Variants in KATNA1 observed in about 807,000 individuals in gnomAD.
The protein encoded by KATNA1 is katanin catalytic subunit A1, also known as katanin p60 ATPase-containing subunit A1.
KATNA1 carries 42 observed loss-of-function variants against 62.6 expected under a neutral mutation model. The observed-to-expected ratio is 0.67, with a 90% CI of 0.52 to 0.87. The LOEUF (loss-of-function observed/expected upper bound fraction) is 0.87, where lower values mean the gene tolerates loss of function less well. Among genes scored for constraint, KATNA1 ranks in the 40% least tolerant of loss-of-function variants. The pLI is 0.00. For missense variants in KATNA1, 498 were observed against 612.5 expected, an observed-to-expected ratio of 0.81 and a Z score of 1.97; for synonymous variants, 186 against 201.9, an observed-to-expected ratio of 0.92 and a Z score of 0.67.
In KATNA1 at chr6:149,597,717, TCAA is replaced by T. The variant is rs1778382803; in HGVS notation, c.1016-79_1016-77del. The stretch of plus-strand genomic sequence containing the variant: ...CAAATGAAGCTCAGCTATTTAAAGA[TCAA>T]CAACTATTTAGTACAACAATACAAG... On this transcript the variant is annotated intron_variant, in intron 8 of 10. Coordinates refer to ENST00000367411, the MANE Select transcript of KATNA1 (RefSeq NM_007044.4). 5.1e-6 allele frequency: 7 copies of T among 1,380,064 alleles called. No homozygotes were observed. The Admixed American group carries it at 1.3e-4, about 26-fold the overall frequency. 85.5% of individuals were successfully genotyped at this position (1,380,064 alleles called of 1,614,324 possible). A position where few individuals can be genotyped will look rare whatever the true frequency, so the allele number is the denominator to read the frequency against.
At chr6:149,609,816 A>G (rs1379010526) in intron 4 of KATNA1, among the ~76,000 whole-genome samples, 1 of 134,172 alleles carries the variant, frequency 7.5e-6, no homozygotes, top group Non-Finnish European at 1.6e-5. Context: ...AAAAAAAAAA[A>G]TAGGCCAGGT....
chr6:149,636,250 T>G (rs538619666), intron 2 of KATNA1, among the ~76,000 whole-genome samples: 62 of 152,114 alleles, frequency 4.1e-4, no homozygotes, highest in African/African-American at 1.4e-3. Context: ...AGTCCTTCAC[T>G]GACAAACTTA....
At chr6:149,631,119 G>A (rs1779814500) in intron 3 of KATNA1, among the ~76,000 whole-genome samples, 1 of 152,156 alleles carries the variant, frequency 6.6e-6, no homozygotes, top group South Asian at 2.1e-4. Context: ...ATACAACCAG[G>A]CCGGGTGTGG....
intron 6 of KATNA1, among the ~76,000 whole-genome samples, chr6:149,602,517 CTTTT>C (rs1342736158): frequency 6.6e-6 from 1 of 151,922 alleles, no homozygotes. Context: ...CCAAGAAAAG[CTTTT>C]TTGATGGTCT....
chr6:149,622,426 G>C (rs1197417652), intron 4 of KATNA1, among the ~76,000 whole-genome samples: 1 of 152,046 alleles, frequency 6.6e-6, no homozygotes, highest in African/African-American at 2.4e-5. Flanking sequence ...ATACAACTTA[G>C]TCTCAAATGG....
intron 4 of KATNA1, among the ~76,000 whole-genome samples, chr6:149,608,044 C>T (rs534727304): frequency 1.8e-4 from 27 of 152,104 alleles, no homozygotes; most frequent in African/African-American, 3.1e-4. Context: ...CCAGCCTGGG[C>T]GACAGAGTGA....
At chr6:149,643,515 T>C (rs1780366777) in intron 1 of KATNA1, among the ~76,000 whole-genome samples, 1 of 152,192 alleles carries the variant, frequency 6.6e-6, no homozygotes, top group African/African-American at 2.4e-5. Flanking sequence ...ATCACCTAAA[T>C]CTTGCCTCCC....
At chr6:149,620,227 T>C (rs1273387786) in intron 4 of KATNA1, among the ~76,000 whole-genome samples, 2 of 152,166 alleles carry the variant, frequency 1.3e-5, no homozygotes, top group African/African-American at 4.8e-5. Context: ...GGTTAACAAA[T>C]ACAAAAGTAC....
At chr6:149,597,308 G>C in intron 9 of KATNA1, 119 bp from the exon 10 acceptor site, 1 of 1,271,802 alleles carries the variant, frequency 7.9e-7, no homozygotes, top group Non-Finnish European at 1.1e-6. Flanking sequence ...TCTAAGAAGA[G>C]ATAATTAAGT....
rs780585866 is a variant in KATNA1, at chr6:149,603,372, C to T, written c.625G>A (p.Asp209Asn). Residue 209 changes from aspartate (D) to asparagine (N), a missense_variant and splice_region_variant, in exon 6 of 11, where the codon GAT becomes AAT. Physicochemically the swap from Asp to Asn is conservative, Grantham distance 23. This residue lies in a region of KATNA1 where 267 missense variants were observed against 372.6 expected (regional missense o/e 0.72). Transcript: ENST00000367411. ...IISQNPNVRW[D>N]DIADLVEAKK... is the part of the protein sequence containing the mutation. ...GCTTCTACTAAATCAGCGATATCATCCCTGAAAGAGAAGACATTTTATTAA... is the reference window on the plus strand; with the variant it reads ...GCTTCTACTAAATCAGCGATATCATTCCTGAAAGAGAAGACATTTTATTAA... The T allele has an allele frequency of 6.7e-7, 1 of 1,500,378 alleles. No homozygotes were observed. The highest frequency in any genetic ancestry group is 1.2e-5 in the South Asian group (1 of 86,806). 92.9% of individuals were successfully genotyped at this position (1,500,378 alleles called of 1,614,324 possible).
chr6:149,602,828 TCTC>T (rs1302135162), intron 6 of KATNA1, among the ~76,000 whole-genome samples: 24 of 152,030 alleles, frequency 1.6e-4, no homozygotes, highest in Admixed American at 1.1e-3. Flanking sequence ...TTCAGGCAAT[TCTC>T]CTGCCTCAGC....
chr6:149,595,079 A>G lies in KATNA1; in HGVS notation c.1433T>C (p.Ile478Thr), dbSNP rs1778246441. The change falls in exon 11 of 11, where the codon ATT becomes ACT. Residue 478 changes from isoleucine (I) to threonine (T), a missense_variant. By Grantham distance (89) the Ile-to-Thr change is moderately conservative (BLOSUM62 -1). Transcript: ENST00000367411. ...KVSKSVSAAD[I>T]ERYEKWIFEF... ...AAATATCCATTTCTCGTATCTTTCAATGTCTGCAGCAGACACTGACTTAGA... is the reference window on the plus strand; with the variant it reads ...AAATATCCATTTCTCGTATCTTTCAGTGTCTGCAGCAGACACTGACTTAGA... 1.9e-6 allele frequency: 3 copies of G among 1,613,946 alleles called. No homozygotes were observed. The highest frequency in any genetic ancestry group is 1.1e-5 in the South Asian group (1 of 91,074).
chr6:149,617,232 G>A (rs1779199646), intron 4 of KATNA1, among the ~76,000 whole-genome samples: 1 of 152,192 alleles, frequency 6.6e-6, no homozygotes, highest in African/African-American at 2.4e-5. Context: ...TGGATAGACA[G>A]TAGTGATGAT....
At position 149,632,450 on chromosome 6, in the gene KATNA1, G is replaced by A. The variant is rs567075179; in HGVS notation, c.320+309C>T. On this transcript the variant is annotated intron_variant, in intron 3 of 10. Coordinates refer to ENST00000367411, the MANE Select transcript of KATNA1 (RefSeq NM_007044.4). ...TATTTTCCCAAAGCTACAGAGAGTG[G>A]CAAAGACAGACACGGAGCTTGGATA... is the stretch of plus-strand genomic sequence containing the variant. Among the ~76,000 whole-genome samples, 22 of 152,124 alleles carry A rather than the reference G, an allele frequency of 1.4e-4. No individual in the cohort carries two copies. In the South Asian group the frequency reaches 4.6e-3, roughly 32 times the overall value.
At position 149,632,902 on chromosome 6, in the gene KATNA1, T is replaced by C. The variant is rs1779906426; in HGVS notation, c.177A>G (p.Ile59Met). The change falls in exon 3 of 11, where the codon ATA becomes ATG. Residue 59 changes from isoleucine to methionine, a missense_variant. Transcript: ENST00000367411. ...CTTTAACATGTTTAGCTTCCACATT[T>C]ATTTCCTGCCAAACCTGATTTCAAA... ...QQKWQQVWQE[I>M]NVEAKHVKDI... is the part of the protein sequence containing the mutation. The C allele has an allele frequency of 6.2e-7, 1 of 1,606,014 alleles. No individual in the cohort carries two copies. Among genetic ancestry groups the C allele is most frequent in the Non-Finnish European group, 8.5e-7 (1 of 1,178,280 alleles).
chr6:149,595,342 T>A, intron 10 of KATNA1, 108 bp from the exon 11 acceptor site: 1 of 692,600 alleles, frequency 1.4e-6, no homozygotes, highest in Non-Finnish European at 2.4e-6. Context: ...ATTCTCTAAT[T>A]ATATTACATA....
chr6:149,610,931 A>G (rs1396858679), intron 4 of KATNA1, among the ~76,000 whole-genome samples: 1 of 152,184 alleles, frequency 6.6e-6, no homozygotes, highest in East Asian at 1.9e-4. Context: ...CTAAAAATAC[A>G]AAAACTAGCC....
At chr6:149,597,819 G>A (rs1778385710) in intron 8 of KATNA1, among the ~76,000 whole-genome samples, 178 bp from the exon 9 acceptor site, 1 of 152,206 alleles carries the variant, frequency 6.6e-6, no homozygotes, top group Non-Finnish European at 1.5e-5. Flanking sequence ...CAAAGAAAAT[G>A]AGTTCTGTAG....
intron 8 of KATNA1, 148 bp downstream of exon 8, chr6:149,598,073 ACTT>A (rs1169326153): frequency 1.3e-5 from 10 of 770,694 alleles, no homozygotes; most frequent in Non-Finnish European, 4.1e-6. Flanking sequence ...ACTATCAGGA[ACTT>A]CTTGCCACCC....
Sources: gnomAD v4.1 joint callset for allele counts (sites outside exome capture counted in the v4.1 genomes callset) on GRCh38, gnomAD v4.1.1 for gene constraint, gnomAD v4.1.1 regional missense constraint, MANE v1.5 for transcripts, NCBI Gene and HGNC (gene_info 2026-07-23, HGNC 2026-07-21) for gene names.